The following RAB38 variants were observed in gnomAD, a reference collection of about 807,000 sequenced individuals.
RAB38 encodes RAB38, member RAS oncogene family.
Under a neutral mutation model 18.4 loss-of-function variants are expected in RAB38, and 15 were observed. The observed-to-expected ratio is 0.82, with a 90% CI of 0.55 to 1.26. The LOEUF (loss-of-function observed/expected upper bound fraction) is 1.26, where lower values mean the gene tolerates loss of function less well. Among genes scored for constraint, RAB38 ranks in the 50% most tolerant of loss-of-function variants. The pLI is 0.00. For synonymous variants in RAB38, 101 were observed against 104.4 expected, an observed-to-expected ratio of 0.97 and a Z score of 0.20; for missense variants, 294 against 267.4, an observed-to-expected ratio of 1.10 and a Z score of -0.69.
At chr11:87,839,418 A>G in the RAB38 span, among the ~76,000 whole-genome samples, 2 of 152,224 alleles carry the variant, frequency 1.3e-5, no homozygotes, top group Non-Finnish European at 2.9e-5. Flanking sequence ...TCAAATGCAC[A>G]GGAGTATACA....
the RAB38 span, among the ~76,000 whole-genome samples, chr11:87,947,647 TC>T: frequency 6.6e-6 from 1 of 152,186 alleles, no homozygotes; most frequent in East Asian, 1.9e-4. Context: ...AAATAGGGAA[TC>T]CTTTCCCCAT....
chr11:87,834,718 T>C, the RAB38 span, among the ~76,000 whole-genome samples: 3 of 152,204 alleles, frequency 2.0e-5, no homozygotes, highest in Non-Finnish European at 2.9e-5. Context: ...TTAGAGCTCA[T>C]TGACAGGTCC....
the RAB38 span, among the ~76,000 whole-genome samples, chr11:88,043,877 G>C: frequency 1.3e-5 from 2 of 152,172 alleles, no homozygotes; most frequent in Non-Finnish European, 2.9e-5. Flanking sequence ...TTTGCTCTGA[G>C]AGAAAGATCC....
chr11:87,954,911 A>C, the RAB38 span, among the ~76,000 whole-genome samples: 1 of 152,238 alleles, frequency 6.6e-6, no homozygotes, highest in African/African-American at 2.4e-5. Context: ...CAGAACCTGT[A>C]AAGGCAATAT....
chr11:88,019,076 C>A, the RAB38 span, among the ~76,000 whole-genome samples: 2 of 151,710 alleles, frequency 1.3e-5, no homozygotes, highest in African/African-American at 4.9e-5. Flanking sequence ...AAGTACTCTG[C>A]AATTCATATT....
chr11:88,151,855 G>C (rs950535882), intron 1 of RAB38, among the ~76,000 whole-genome samples: 2 of 152,154 alleles, frequency 1.3e-5, no homozygotes, highest in African/African-American at 4.8e-5. Context: ...GTGTGAGCCT[G>C]TGTGCACAAG....
the RAB38 span, among the ~76,000 whole-genome samples, chr11:88,088,033 C>T: frequency 6.6e-6 from 1 of 151,790 alleles, no homozygotes; most frequent in Non-Finnish European, 1.5e-5. Context: ...GTAGGCCCTG[C>T]CTAGCATTGG....
chr11:88,004,173 C>T, the RAB38 span, among the ~76,000 whole-genome samples: 1 of 149,164 alleles, frequency 6.7e-6, no homozygotes, highest in African/African-American at 2.4e-5. Context: ...GCCTCATAGA[C>T]ACACATCCTT....
the RAB38 span, among the ~76,000 whole-genome samples, chr11:88,009,861 T>C: frequency 2.2e-3 from 329 of 152,260 alleles, 3 homozygotes; most frequent in Non-Finnish European, 1.8e-3. Flanking sequence ...TAGAAATGCA[T>C]AGAACCATAA....
At chr11:88,149,362 C>T (rs1943033705) in intron 2 of RAB38, among the ~76,000 whole-genome samples, 1 of 152,106 alleles carries the variant, frequency 6.6e-6, no homozygotes, top group Non-Finnish European at 1.5e-5. Context: ...GTGGTGAGGA[C>T]TAAATAGGAA....
At chr11:88,057,865 G>A in the RAB38 span, among the ~76,000 whole-genome samples, 1 of 151,970 alleles carries the variant, frequency 6.6e-6, no homozygotes, top group Non-Finnish European at 1.5e-5. Context: ...AAATTACCCT[G>A]ACTTTCCCCA....
intron 1 of RAB38, among the ~76,000 whole-genome samples, chr11:88,169,365 T>C (rs1212156773): frequency 2.0e-5 from 3 of 152,222 alleles, no homozygotes; most frequent in Non-Finnish European, 4.4e-5. Context: ...TCTTTTCTGT[T>C]TTCCAGCTTT....
At chr11:88,063,571 C>T in the RAB38 span, among the ~76,000 whole-genome samples, 1 of 152,022 alleles carries the variant, frequency 6.6e-6, no homozygotes, top group East Asian at 1.9e-4. Context: ...GATAGGGTGT[C>T]GATATGGTTT....
the RAB38 span, among the ~76,000 whole-genome samples, chr11:88,027,461 T>G: frequency 6.6e-6 from 1 of 152,144 alleles, no homozygotes; most frequent in African/African-American, 2.4e-5. Flanking sequence ...GGAGTTCCCT[T>G]TCCTAGTCAA....
the RAB38 span, among the ~76,000 whole-genome samples, chr11:87,814,346 T>C: frequency 1.3e-5 from 2 of 152,250 alleles, no homozygotes; most frequent in Non-Finnish European, 2.9e-5. Context: ...GTTTGTTATA[T>C]GGATGTTCAT....
At chr11:88,035,116 C>T in the RAB38 span, among the ~76,000 whole-genome samples, 4 of 152,062 alleles carry the variant, frequency 2.6e-5, no homozygotes, top group African/African-American at 9.7e-5. Context: ...TCAGATGGAT[C>T]GTCATCTTGT....
chr11:87,976,698 ATTTT>A, the RAB38 span, among the ~76,000 whole-genome samples: 19 of 121,898 alleles, frequency 1.6e-4, no homozygotes, highest in Admixed American at 3.7e-4. Flanking sequence ...TTTACAATAT[ATTTT>A]TACATATTTA....
chr11:88,034,765 A>G, the RAB38 span, among the ~76,000 whole-genome samples: 2,604 of 152,054 alleles, frequency 0.017, 72 homozygotes, highest in African/African-American at 0.06. Flanking sequence ...GATACCTACG[A>G]TATTTCTGGT....
the RAB38 span, among the ~76,000 whole-genome samples, chr11:87,929,316 G>A: frequency 6.6e-6 from 1 of 151,482 alleles, no homozygotes; most frequent in East Asian, 1.9e-4. Flanking sequence ...TAACAGTTTA[G>A]CATGGGCATC....
Sources: allele counts gnomAD v4.1 joint callset (sites outside exome capture counted in the v4.1 genomes callset), GRCh38; gene constraint gnomAD v4.1.1; transcripts MANE v1.5; gene names NCBI Gene and HGNC (gene_info 2026-07-23, HGNC 2026-07-21).